The following RALYL variants were observed in gnomAD, a reference collection of about 807,000 sequenced individuals.
RALYL encodes the protein RNA-binding Raly-like protein.
Under a neutral mutation model 35.1 loss-of-function variants are expected in RALYL, and 29 were observed. The observed-to-expected ratio is 0.83, with a 90% CI of 0.61 to 1.13. RALYL has a LOEUF of 1.13. Among genes scored for constraint, RALYL ranks in the 50% most tolerant of loss-of-function variants. The pLI is 0.00. For synonymous variants in RALYL, 120 were observed against 127.6 expected, an observed-to-expected ratio of 0.94 and a Z score of 0.40; for missense variants, 359 against 360.4, an observed-to-expected ratio of 1.00 and a Z score of 0.03.
chr8:84,248,447 G>C (rs1829556615), intron 1 of RALYL, among the ~76,000 whole-genome samples: 2 of 152,024 alleles, frequency 1.3e-5, no homozygotes, highest in African/African-American at 2.4e-5. Context: ...AGCTCTTTGT[G>C]GTCAGAATTC....
chr8:84,515,443 A>C (rs1371526520), intron 1 of RALYL, among the ~76,000 whole-genome samples: 1 of 152,208 alleles, frequency 6.6e-6, no homozygotes, highest in South Asian at 2.1e-4. Flanking sequence ...GTACCACAGC[A>C]TATATTCCTT....
chr8:84,548,073 T>G (rs376191567), intron 2 of RALYL, among the ~76,000 whole-genome samples: 127 of 152,338 alleles, frequency 8.3e-4, no homozygotes, highest in African/African-American at 3.0e-3. Context: ...TTTTCAGGAA[T>G]GTGTTCTCAA....
At chr8:84,251,092 C>CA (rs1474185830) in intron 1 of RALYL, among the ~76,000 whole-genome samples, 4 of 152,076 alleles carry the variant, frequency 2.6e-5, no homozygotes, top group Admixed American at 6.6e-5. Flanking sequence ...GAAACATTTA[C>CA]AAGTTATTTT....
intron 1 of RALYL, among the ~76,000 whole-genome samples, chr8:84,416,740 C>T (rs147933173): frequency 2.4e-4 from 36 of 152,122 alleles, no homozygotes; most frequent in East Asian, 2.3e-3. Flanking sequence ...TTTCAGAAAA[C>T]AAAATATTAA....
intron 7 of RALYL, among the ~76,000 whole-genome samples, chr8:84,879,058 G>A (rs777467602): frequency 6.6e-6 from 1 of 152,112 alleles, no homozygotes; most frequent in Non-Finnish European, 1.5e-5. Flanking sequence ...GAAAAACAGA[G>A]CCTTCCTAAA....
intron 2 of RALYL, among the ~76,000 whole-genome samples, chr8:84,652,923 C>T (rs1202825220): frequency 6.6e-6 from 1 of 152,050 alleles, no homozygotes; most frequent in Non-Finnish European, 1.5e-5. Context: ...GACATTGCAT[C>T]AATGTACTGG....
chr8:84,425,198 C>T (rs553824046), intron 1 of RALYL, among the ~76,000 whole-genome samples: 14 of 152,200 alleles, frequency 9.2e-5, no homozygotes, highest in Admixed American at 2.6e-4. Flanking sequence ...TAGCAATCAG[C>T]GAGATTCCGT....
chr8:84,515,166 T>C (rs2057958934), intron 1 of RALYL, among the ~76,000 whole-genome samples: 1 of 152,244 alleles, frequency 6.6e-6, no homozygotes, highest in Non-Finnish European at 1.5e-5. Context: ...CACTTTATTT[T>C]ACCAAATAAA....
intron 2 of RALYL, among the ~76,000 whole-genome samples, chr8:84,674,081 A>C (rs1019902495): frequency 6.6e-6 from 1 of 151,720 alleles, no homozygotes; most frequent in Non-Finnish European, 1.5e-5. Flanking sequence ...CTTTGTAGAG[A>C]TCTTTCACTT....
intron 1 of RALYL, among the ~76,000 whole-genome samples, chr8:84,204,389 G>A (rs1342527364): frequency 6.6e-6 from 1 of 152,046 alleles, no homozygotes; most frequent in Non-Finnish European, 1.5e-5. Flanking sequence ...TGGGGAATAA[G>A]GTATTTTTTC....
At chr8:84,662,196 A>G (rs1327558910) in intron 2 of RALYL, among the ~76,000 whole-genome samples, 1 of 152,064 alleles carries the variant, frequency 6.6e-6, no homozygotes, top group Non-Finnish European at 1.5e-5. Context: ...GGCTCTCAGG[A>G]TAATGCTGAA....
intron 1 of RALYL, among the ~76,000 whole-genome samples, chr8:84,446,029 C>A (rs2048814516): frequency 1.3e-5 from 2 of 151,824 alleles, no homozygotes; most frequent in South Asian, 4.1e-4. Context: ...CAGGAAATGA[C>A]AAATTTAGAT....
intron 1 of RALYL, among the ~76,000 whole-genome samples, chr8:84,190,372 A>T (rs759090061): frequency 6.6e-6 from 1 of 152,212 alleles, no homozygotes; most frequent in Non-Finnish European, 1.5e-5. Context: ...GCCTCTTCAG[A>T]TGTGCAAGAA....
intron 2 of RALYL, chr8:84,706,098 G>T: frequency 6.6e-7 from 1 of 1,525,108 alleles, no homozygotes; most frequent in African/African-American, 1.4e-5. Context: ...ATATCACTGG[G>T]GTAGGGAAAA....
chr8:84,671,114 A>C (rs1833131073), intron 2 of RALYL, among the ~76,000 whole-genome samples: 3 of 152,138 alleles, frequency 2.0e-5, no homozygotes, highest in Non-Finnish European at 4.4e-5. Flanking sequence ...GCCCTATGCA[A>C]GTCCAAAATC....
chr8:84,269,455 T>C (rs1833903983), intron 1 of RALYL, among the ~76,000 whole-genome samples: 1 of 152,186 alleles, frequency 6.6e-6, no homozygotes, highest in South Asian at 2.1e-4. Flanking sequence ...TTGTGAAATA[T>C]ATTATTTGTT....
intron 2 of RALYL, among the ~76,000 whole-genome samples, chr8:84,619,417 C>A (rs1310828033): frequency 5.4e-5 from 8 of 148,476 alleles, no homozygotes; most frequent in Admixed American, 1.3e-4. Flanking sequence ...GATTGCAACC[C>A]CTGCCTTTTT....
intron 2 of RALYL, among the ~76,000 whole-genome samples, chr8:84,677,333 A>G (rs1834422481): frequency 6.6e-6 from 1 of 152,228 alleles, no homozygotes; most frequent in African/African-American, 2.4e-5. Flanking sequence ...CATGGTTCAG[A>G]TATTTTCATA....
At chr8:84,223,158 T>C (rs865876114) in intron 1 of RALYL, among the ~76,000 whole-genome samples, 53 of 121,572 alleles carry the variant, frequency 4.4e-4, no homozygotes, top group East Asian at 2.2e-3. Flanking sequence ...CTTTCCTTTC[T>C]TTCCTTCCTC....
Sources: allele counts gnomAD v4.1 joint callset (sites outside exome capture counted in the v4.1 genomes callset), GRCh38; gene constraint gnomAD v4.1.1; transcripts MANE v1.5; gene names NCBI Gene and HGNC (gene_info 2026-07-23, HGNC 2026-07-21).